EVI5: variants seen among roughly 807,000 people sequenced by gnomAD.
The protein encoded by EVI5 is ecotropic viral integration site 5.
Under a neutral mutation model 112.0 loss-of-function variants are expected in EVI5, and 73 were observed. The observed-to-expected ratio is 0.65, with a 90% CI of 0.54 to 0.79. The LOEUF (loss-of-function observed/expected upper bound fraction) is 0.79. EVI5 is among the 30% of genes least tolerant of loss of function. EVI5 has a pLI of 0.00. For synonymous variants in EVI5, 305 were observed against 319.9 expected (o/e 0.95, Z 0.50); for missense variants, 900 against 968.8 (o/e 0.93, Z 0.94).
chr1:92,563,028 C>T (rs1007401016), intron 19 of EVI5, among the ~76,000 whole-genome samples: 2 of 152,066 alleles, frequency 1.3e-5, no homozygotes, highest in African/African-American at 2.4e-5. Flanking sequence ...AAATTGACCT[C>T]GAGCCACATT....
chr1:92,517,883 T>C (rs574687370), intron 19 of EVI5, among the ~76,000 whole-genome samples: 23 of 147,090 alleles, frequency 1.6e-4, no homozygotes, highest in Admixed American at 1.1e-3. Flanking sequence ...CAATATTATA[T>C]GCTTTTTTTT....
At position 92,693,893 on chromosome 1, in the gene EVI5, G is replaced by C. The variant is rs569327954; in HGVS notation, c.1006C>G (p.Gln336Glu). 3.7e-5 allele frequency: 58 copies of C among 1,570,060 alleles called. No homozygotes were observed. In the East Asian group the frequency reaches 1.3e-3, roughly 35 times the overall value. ...LDMEGMLQHF[Q>E]KVIPHQFDGV... ...TCAAACTGATGTGGAATGACCTTTT[G>C]AAAGTGCTAAGATACAATTAAAAAA... is the stretch of plus-strand genomic sequence containing the variant. Residue 336 changes from glutamine (Q) to glutamate (E), a missense_variant, in exon 9 of 20, where the codon CAA becomes GAA. By Grantham distance (29) the Gln-to-Glu change is conservative. Transcript: ENST00000684568.
intron 16 of EVI5, among the ~76,000 whole-genome samples, chr1:92,618,804 C>T (rs6675062): frequency 2.6e-5 from 4 of 152,090 alleles, no homozygotes; most frequent in Non-Finnish European, 5.9e-5. Context: ...TTTCCTCCTT[C>T]TTTTGTTAAA....
chr1:92,532,315 G>A (rs554153771), intron 19 of EVI5, among the ~76,000 whole-genome samples: 1 of 152,222 alleles, frequency 6.6e-6, no homozygotes, highest in African/African-American at 2.4e-5. Context: ...AAGAGACTTA[G>A]ACTCCTACAC....
intron 16 of EVI5, among the ~76,000 whole-genome samples, chr1:92,611,286 G>A (rs759155664): frequency 6.6e-6 from 1 of 151,948 alleles, no homozygotes; most frequent in African/African-American, 2.4e-5. Flanking sequence ...TAAAGGAAGG[G>A]TAATGAAATG....
chr1:92,623,321 T>C (rs190074181), intron 16 of EVI5, among the ~76,000 whole-genome samples: 2 of 152,306 alleles, frequency 1.3e-5, no homozygotes, highest in Admixed American at 1.3e-4. Context: ...CATATTCATG[T>C]TACCATGTTT....
chr1:92,663,398 T>G, intron 12 of EVI5, 22 bp downstream of exon 12: 1 of 1,344,088 alleles, frequency 7.4e-7, no homozygotes. Context: ...TTTAAAAAAC[T>G]AAAACAAAAC....
intron 18 of EVI5, among the ~76,000 whole-genome samples, chr1:92,604,661 CAT>C (rs1237489554): frequency 1.3e-5 from 2 of 152,154 alleles, no homozygotes; most frequent in Non-Finnish European, 2.9e-5. Context: ...GAACCAGTAA[CAT>C]AGTCATTTAT....
intron 1 of EVI5, among the ~76,000 whole-genome samples, chr1:92,757,741 A>C (rs1681161593): frequency 6.6e-6 from 1 of 151,868 alleles, no homozygotes; most frequent in Non-Finnish European, 1.5e-5. Flanking sequence ...GTCTCTATTA[A>C]AGATACAAAA....
chr1:92,586,593 T>TG (rs1215398379), intron 18 of EVI5, among the ~76,000 whole-genome samples: 1 of 139,608 alleles, frequency 7.2e-6, no homozygotes, highest in African/African-American at 3.0e-5. Context: ...TGTAGGTTTT[T>TG]TTTTTTTTTT....
At chr1:92,723,870 T>C (rs769051995) in intron 2 of EVI5, among the ~76,000 whole-genome samples, 10 of 152,290 alleles carry the variant, frequency 6.6e-5, no homozygotes, top group Non-Finnish European at 1.0e-4. Context: ...GGTAGGTCTA[T>C]GAACGGCTGC....
intron 11 of EVI5, among the ~76,000 whole-genome samples, chr1:92,664,485 T>TAAAAAA (rs59296856): frequency 1.4e-5 from 2 of 143,964 alleles, no homozygotes; most frequent in Non-Finnish European, 1.5e-5. Flanking sequence ...TCCAAAGATT[T>TAAAAAA]AAAAAAAAAA....
intron 2 of EVI5, among the ~76,000 whole-genome samples, chr1:92,730,376 G>A (rs1013121058): frequency 2.0e-5 from 3 of 151,674 alleles, no homozygotes; most frequent in Admixed American, 2.0e-4. Context: ...AAGAAAGAAG[G>A]AAATGGAGAA....
intron 1 of EVI5, among the ~76,000 whole-genome samples, chr1:92,746,351 AT>A (rs1679243377): frequency 6.6e-6 from 1 of 152,262 alleles, no homozygotes; most frequent in African/African-American, 2.4e-5. Flanking sequence ...ATTAATTTTG[AT>A]TGTTAAATAG....
chr1:92,631,685 C>T (rs1324588756), intron 14 of EVI5, among the ~76,000 whole-genome samples: 1 of 152,104 alleles, frequency 6.6e-6, no homozygotes, highest in Non-Finnish European at 1.5e-5. Context: ...CTTCTCCTGC[C>T]TGATTGCCCT....
chr1:92,707,000 G>A (rs1672077721), intron 2 of EVI5, among the ~76,000 whole-genome samples: 1 of 151,732 alleles, frequency 6.6e-6, no homozygotes, highest in African/African-American at 2.4e-5. Flanking sequence ...TGACCAACAT[G>A]GAGAAACCCT....
chr1:92,562,039 T>C (rs1382772163), intron 19 of EVI5, among the ~76,000 whole-genome samples: 1 of 152,216 alleles, frequency 6.6e-6, no homozygotes, highest in African/African-American at 2.4e-5. Context: ...TACGTAACTT[T>C]CTTGTTTCAG....
intron 2 of EVI5, among the ~76,000 whole-genome samples, chr1:92,711,789 G>T (rs1178359780): frequency 3.3e-5 from 5 of 152,320 alleles, no homozygotes; most frequent in African/African-American, 1.2e-4. Flanking sequence ...AATGGAAAAT[G>T]ATTAACAAAA....
At chr1:92,545,365 T>C (rs1305260644) in intron 19 of EVI5, among the ~76,000 whole-genome samples, 8 of 151,746 alleles carry the variant, frequency 5.3e-5, no homozygotes, top group Non-Finnish European at 1.2e-4. Context: ...CCATTGTGCC[T>C]GGCCTGTTTC....
Sources: gnomAD v4.1 joint callset for allele counts (sites outside exome capture counted in the v4.1 genomes callset) on GRCh38, gnomAD v4.1.1 for gene constraint, MANE v1.5 for transcripts, NCBI Gene and HGNC (gene_info 2026-07-23, HGNC 2026-07-21) for gene names.